Variants in COLQ observed in about 807,000 individuals in gnomAD.
The protein encoded by COLQ is collagen like tail subunit of asymmetric acetylcholinesterase, also known as acetylcholinesterase collagenic tail peptide.
A neutral mutation model predicts 69.0 loss-of-function variants in COLQ; 48 were observed. That is an observed-to-expected ratio of 0.70 (90% confidence interval 0.55 to 0.88). COLQ has a LOEUF of 0.88. COLQ is among the 40% of genes least tolerant of loss of function. The pLI is 0.00. For missense variants in COLQ, 618 were observed against 594.6 expected (o/e 1.04, Z -0.41); for synonymous variants, 217 against 211.2 (o/e 1.03, Z -0.24).
intron 6 of COLQ, among the ~76,000 whole-genome samples, chr3:15,475,746 T>C (rs959193597): frequency 6.6e-5 from 10 of 152,232 alleles, no homozygotes; most frequent in African/African-American, 2.4e-4. Context: ...CACTAAGATG[T>C]TGTATATGGT....
At chr3:15,481,829 A>G (rs899640252) in intron 3 of COLQ, among the ~76,000 whole-genome samples, 11 of 152,258 alleles carry the variant, frequency 7.2e-5, no homozygotes, top group Admixed American at 7.2e-4. Context: ...CACAATATTG[A>G]TTCTTCCTAT....
At chr3:15,453,470 T>A (rs552673535) in intron 16 of COLQ, among the ~76,000 whole-genome samples, 2 of 152,346 alleles carry the variant, frequency 1.3e-5, no homozygotes, top group Non-Finnish European at 2.9e-5. Flanking sequence ...TACTCTCCAC[T>A]GGGCTTCCCA....
At chr3:15,504,865 A>ACAAAAC (rs1229794517) in intron 1 of COLQ, among the ~76,000 whole-genome samples, 3 of 152,212 alleles carry the variant, frequency 2.0e-5, no homozygotes, top group Non-Finnish European at 4.4e-5. Context: ...GTCTCAAAAA[A>ACAAAAC]CAAAACCAAA....
intron 3 of COLQ, among the ~76,000 whole-genome samples, chr3:15,486,608 A>T (rs2062579514): frequency 6.6e-6 from 1 of 152,150 alleles, no homozygotes; most frequent in African/African-American, 2.4e-5. Context: ...GTTAGTGTAG[A>T]CTGCTGAAGG....
At chr3:15,466,305 C>G (rs1242173262) in intron 12 of COLQ, 36 bp downstream of exon 12, 5 of 1,501,978 alleles carry the variant, frequency 3.3e-6, no homozygotes, top group Non-Finnish European at 2.8e-6. Context: ...GGCCAGTACT[C>G]CAACAGTGGA....
intron 1 of COLQ, among the ~76,000 whole-genome samples, chr3:15,502,717 C>G (rs528615180): frequency 6.6e-6 from 1 of 152,248 alleles, no homozygotes; most frequent in African/African-American, 2.4e-5. Context: ...CCCGGCCTAA[C>G]TTGCACTGAT....
At chr3:15,511,006 T>C (rs1384117862) in intron 1 of COLQ, among the ~76,000 whole-genome samples, 1 of 152,200 alleles carries the variant, frequency 6.6e-6, no homozygotes, top group Admixed American at 6.5e-5. Flanking sequence ...GGGTTCTCAG[T>C]GCCAATGCTC....
intron 1 of COLQ, among the ~76,000 whole-genome samples, chr3:15,516,566 T>A (rs1398797982): frequency 6.6e-6 from 1 of 152,160 alleles, no homozygotes; most frequent in Non-Finnish European, 1.5e-5. Context: ...GGAAACCACA[T>A]GTGTCTGCAG....
At chr3:15,459,565 G>A (rs962180402) in intron 12 of COLQ, among the ~76,000 whole-genome samples, 16 of 145,168 alleles carry the variant, frequency 1.1e-4, no homozygotes, top group African/African-American at 4.2e-4. Flanking sequence ...TGCAACCTCC[G>A]CCTCTCAGGT....
chr3:15,486,300 C>T (rs1258618079), intron 3 of COLQ, among the ~76,000 whole-genome samples: 1 of 152,202 alleles, frequency 6.6e-6, no homozygotes, highest in Non-Finnish European at 1.5e-5. Context: ...AATGCAGATT[C>T]TGATAGAATG....
At chr3:15,498,734 C>A in intron 1 of COLQ, 1 of 1,536,222 alleles carries the variant, frequency 6.5e-7, no homozygotes. Context: ...GTTGCTTCTG[C>A]TCCAGATGCC....
chr3:15,470,500 T>C, intron 11 of COLQ, 36 bp downstream of exon 11: 2 of 1,601,302 alleles, frequency 1.2e-6, no homozygotes, highest in Non-Finnish European at 8.5e-7. Context: ...CAGGAAGTTC[T>C]GACCTCAGGC....
rs2061926822 is a variant in COLQ at position 15,450,536 on chromosome 3, T to C, written c.*1108A>G. 6.5e-6 allele frequency: 1 copy of C among 153,822 alleles called. No individual in the cohort carries two copies. 9.5% of individuals were successfully genotyped at this position (153,822 alleles called of 1,614,324 possible). ...AAGCCCTACTCAGGAAAAATGGTGA[T>C]GAAAGGCAGCTCACAGACATGCACG... is the stretch of plus-strand genomic sequence containing the variant. On this transcript the variant is annotated 3_prime_UTR_variant, in exon 17 of 17. Coordinates refer to ENST00000383788, the MANE Select transcript of COLQ (RefSeq NM_005677.4).
At chr3:15,488,525 C>T (rs535712556) in intron 2 of COLQ, among the ~76,000 whole-genome samples, 9 of 152,172 alleles carry the variant, frequency 5.9e-5, no homozygotes, top group East Asian at 3.9e-4. Flanking sequence ...ACAGACACCT[C>T]GTAGCCACTT....
At chr3:15,510,049 G>A (rs184284420) in intron 1 of COLQ, among the ~76,000 whole-genome samples, 2 of 152,142 alleles carry the variant, frequency 1.3e-5, no homozygotes, top group Non-Finnish European at 2.9e-5. Flanking sequence ...GGTGGCGGGC[G>A]CCTGTAGTCC....
intron 6 of COLQ, among the ~76,000 whole-genome samples, chr3:15,476,356 C>T (rs2062377792): frequency 6.6e-6 from 1 of 152,184 alleles, no homozygotes; most frequent in South Asian, 2.1e-4. Flanking sequence ...AATTCAGTTC[C>T]TCAGTAGCAC....
At chr3:15,501,538 G>A (rs561442484) in intron 1 of COLQ, among the ~76,000 whole-genome samples, 18 of 152,316 alleles carry the variant, frequency 1.2e-4, no homozygotes, top group African/African-American at 4.3e-4. Flanking sequence ...CAAAACCTTG[G>A]TGGGCAGAGA....
chr3:15,457,644 G>C (rs1270133437), intron 13 of COLQ, among the ~76,000 whole-genome samples: 2 of 148,474 alleles, frequency 1.3e-5, no homozygotes, highest in African/African-American at 5.2e-5. Context: ...ACGGAGTCTC[G>C]CTCTGTTGCC....
At chr3:15,484,116 G>A (rs1466673875) in intron 3 of COLQ, among the ~76,000 whole-genome samples, 1 of 152,050 alleles carries the variant, frequency 6.6e-6, no homozygotes, top group Non-Finnish European at 1.5e-5. Flanking sequence ...GTCTCTGCAC[G>A]TGAGATGGGT....
Sources: allele counts gnomAD v4.1 joint callset (sites outside exome capture counted in the v4.1 genomes callset), GRCh38; gene constraint gnomAD v4.1.1; transcripts MANE v1.5; gene names NCBI Gene and HGNC (gene_info 2026-07-23, HGNC 2026-07-21).